The following DNM3 variants were observed in gnomAD, a reference collection of about 807,000 sequenced individuals.
The protein encoded by DNM3 is dynamin-3.
A neutral mutation model predicts 101.6 loss-of-function variants in DNM3; 47 were observed. That is an observed-to-expected ratio of 0.46 (90% confidence interval 0.37 to 0.59). The LOEUF (loss-of-function observed/expected upper bound fraction) is 0.59. Among genes scored for constraint, DNM3 ranks in the 20% least tolerant of loss-of-function variants. The pLI is 0.00. For missense variants in DNM3, 849 were observed against 1,085.7 expected, an observed-to-expected ratio of 0.78 and a Z score of 3.06; for synonymous variants, 385 against 387.9, an observed-to-expected ratio of 0.99 and a Z score of 0.09.
At chr1:171,915,095 T>C (rs2039613088) in intron 1 of DNM3, among the ~76,000 whole-genome samples, 1 of 152,234 alleles carries the variant, frequency 6.6e-6, no homozygotes, top group Non-Finnish European at 1.5e-5. Context: ...ATCTCCAGTG[T>C]CTAAGGCTTC....
At chr1:171,979,637 T>G (rs1289544021) in intron 2 of DNM3, among the ~76,000 whole-genome samples, 4 of 152,220 alleles carry the variant, frequency 2.6e-5, no homozygotes, top group Non-Finnish European at 4.4e-5. Flanking sequence ...CTCTGGGTAT[T>G]TCTGTAAGTG....
chr1:171,958,125 G>A (rs1446804622), intron 2 of DNM3, among the ~76,000 whole-genome samples: 3 of 152,172 alleles, frequency 2.0e-5, no homozygotes, highest in Admixed American at 1.3e-4. Context: ...GTCTCACATG[G>A]CAGCAAACAA....
chr1:172,102,446 G>C (rs1169932911), intron 13 of DNM3, among the ~76,000 whole-genome samples: 1 of 151,926 alleles, frequency 6.6e-6, no homozygotes, highest in African/African-American at 2.4e-5. Flanking sequence ...AGTTTTATTT[G>C]GAATAGTATT....
intron 2 of DNM3, among the ~76,000 whole-genome samples, chr1:171,971,720 A>C (rs142166219): frequency 6.6e-4 from 101 of 152,304 alleles, no homozygotes; most frequent in African/African-American, 1.9e-3. Context: ...AAACAAAAAC[A>C]AAAACAAAAA....
intron 18 of DNM3, 71 bp downstream of exon 18, chr1:172,379,253 C>T: frequency 7.8e-7 from 1 of 1,278,374 alleles, no homozygotes; most frequent in South Asian, 1.5e-5. Context: ...ATATTATCTT[C>T]AGCTTCTTTG....
chr1:172,121,317 A>C (rs1488748156), intron 13 of DNM3, among the ~76,000 whole-genome samples: 3 of 152,242 alleles, frequency 2.0e-5, no homozygotes, highest in Admixed American at 6.5e-5. Context: ...CTCTTAGTGA[A>C]CTCTTAGAAA....
intron 2 of DNM3, among the ~76,000 whole-genome samples, chr1:171,922,156 C>T (rs4989380): frequency 8.5e-4 from 44 of 51,974 alleles, no homozygotes; most frequent in South Asian, 7.5e-3. Context: ...TGTGTGTGTG[C>T]GTATGTGTGC....
rs560251585 is a variant in DNM3 at position 172,243,865 on chromosome 1, CT to C, written c.1660-9699del. Among the ~76,000 whole-genome samples, 658 of 151,522 alleles carry C rather than the reference CT, an allele frequency of 4.3e-3. 2 individuals carry two copies. Among genetic ancestry groups the C allele is most frequent in the Admixed American group, 7.6e-3 (116 of 15,218 alleles). Reference sequence around the variant, plus strand: ...TTGTACATCTCTATAGTTATAACTTCTTTTTTTTTATTATTATACTTTAAGT... The same window carrying C: ...TTGTACATCTCTATAGTTATAACTTCTTTTTTTTATTATTATACTTTAAGT... On this transcript the variant is annotated intron_variant, in intron 14 of 20. Transcript: ENST00000627582.
intron 14 of DNM3, among the ~76,000 whole-genome samples, chr1:172,244,590 A>T (rs2061877080): frequency 6.6e-6 from 1 of 152,208 alleles, no homozygotes; most frequent in South Asian, 2.1e-4. Context: ...TGCAGCCAAA[A>T]AACACATGAA....
chr1:172,244,314 C>T (rs1241955161), intron 14 of DNM3, among the ~76,000 whole-genome samples: 6 of 151,748 alleles, frequency 4.0e-5, no homozygotes, highest in South Asian at 2.1e-4. Context: ...TGAATAATGC[C>T]GCAATAAACA....
chr1:172,257,877 A>ACAC (rs2062473227), intron 15 of DNM3, among the ~76,000 whole-genome samples: 3 of 145,224 alleles, frequency 2.1e-5, no homozygotes, highest in African/African-American at 7.5e-5. Context: ...AACCCCCACC[A>ACAC]ACACACACAC....
At chr1:172,392,132 C>G (rs2069577638) in intron 20 of DNM3, among the ~76,000 whole-genome samples, 1 of 152,156 alleles carries the variant, frequency 6.6e-6, no homozygotes, top group African/African-American at 2.4e-5. Context: ...CCCAGCTTTT[C>G]TCAGCTGCTC....
chr1:172,367,963 G>C (rs1177706581), intron 17 of DNM3, among the ~76,000 whole-genome samples: 2 of 151,806 alleles, frequency 1.3e-5, no homozygotes, highest in Admixed American at 1.3e-4. Context: ...GGTTTTATAA[G>C]GGGCATCCCC....
chr1:172,163,974 C>G (rs950363604), intron 14 of DNM3, among the ~76,000 whole-genome samples: 1 of 151,700 alleles, frequency 6.6e-6, no homozygotes, highest in Non-Finnish European at 1.5e-5. Context: ...CACACACACA[C>G]ACACACACAC....
intron 16 of DNM3, chr1:172,310,149 T>C (rs2065020547): frequency 1.3e-5 from 2 of 152,260 alleles, no homozygotes; most frequent in South Asian, 4.1e-4. Flanking sequence ...AAAGACTACA[T>C]GTGAGAAGTC....
chr1:172,161,821 G>T (rs1416250657), intron 14 of DNM3, among the ~76,000 whole-genome samples: 1 of 152,076 alleles, frequency 6.6e-6, no homozygotes, highest in African/African-American at 2.4e-5. Flanking sequence ...CAGAGACATA[G>T]ATTGAGCAAA....
chr1:172,042,049 G>A lies in DNM3; in HGVS notation c.1033G>A (p.Glu345Lys). 1 of 1,604,154 alleles carries A rather than the reference G, an allele frequency of 6.2e-7. No individual in the cohort carries two copies. The highest frequency in any genetic ancestry group is 1.1e-5 in the South Asian group (1 of 88,506). ...TGCTGTGGACTTTGAGAAGAGAATT[G>A]AAGGGTCAGGGGATCAAGTAGATAC... ...QFAVDFEKRI[E>K]GSGDQVDTLE... The change falls in exon 8 of 21, where the codon GAA becomes AAA. Residue 345 changes from glutamate (E) to lysine (K), a missense_variant. Transcript: ENST00000627582.
chr1:171,888,898 G>A (rs2037009882), intron 1 of DNM3, among the ~76,000 whole-genome samples: 1 of 152,144 alleles, frequency 6.6e-6, no homozygotes, highest in Non-Finnish European at 1.5e-5. Context: ...AAACAAAGTA[G>A]ATATTTTAGA....
chr1:172,049,012 C>T (rs1404603750), intron 10 of DNM3, among the ~76,000 whole-genome samples: 1 of 152,190 alleles, frequency 6.6e-6, no homozygotes, highest in Non-Finnish European at 1.5e-5. Context: ...AACAAATAAA[C>T]ATTATTTCCA....
Sources: allele counts gnomAD v4.1 joint callset (sites outside exome capture counted in the v4.1 genomes callset), GRCh38; gene constraint gnomAD v4.1.1; transcripts MANE v1.5; gene names NCBI Gene and HGNC (gene_info 2026-07-23, HGNC 2026-07-21).